The following GNAZ variants were observed in gnomAD, a reference collection of about 807,000 sequenced individuals.
GNAZ encodes the protein G protein subunit alpha z, also known as guanine nucleotide-binding protein G(z) subunit alpha.
A neutral mutation model predicts 25.4 loss-of-function variants in GNAZ; 3 were observed. The observed-to-expected ratio is 0.12, with a 90% CI of 0.05 to 0.30. GNAZ has a LOEUF of 0.30. Ranked by LOEUF, GNAZ falls within the 10% of genes least tolerant of loss-of-function variation. GNAZ has a pLI of 1.00. For missense variants in GNAZ, 241 were observed against 501.8 expected (o/e 0.48, Z 4.97); for synonymous variants, 211 against 205.7 (o/e 1.03, Z -0.22).
intron 2 of GNAZ, among the ~76,000 whole-genome samples, chr22:23,106,203 C>T (rs574156771): frequency 4.6e-5 from 7 of 152,342 alleles, no homozygotes; most frequent in East Asian, 3.9e-4. Flanking sequence ...GGACCTAAGA[C>T]CCTGCAAGTC....
intron 2 of GNAZ, among the ~76,000 whole-genome samples, chr22:23,112,601 G>A (rs1274633097): frequency 6.6e-6 from 1 of 152,186 alleles, no homozygotes; most frequent in Non-Finnish European, 1.5e-5. Flanking sequence ...CTGTGGCAGG[G>A]AGACCCCCTT....
At chr22:23,121,149 T>A (rs747052411) in intron 2 of GNAZ, among the ~76,000 whole-genome samples, 1 of 152,204 alleles carries the variant, frequency 6.6e-6, no homozygotes, top group Non-Finnish European at 1.5e-5. Context: ...TGAGATCTTG[T>A]GTGTTGCTTG....
chr22:23,074,629 G>A (rs1326357165), intron 1 of GNAZ, among the ~76,000 whole-genome samples: 1 of 152,198 alleles, frequency 6.6e-6, no homozygotes, highest in African/African-American at 2.4e-5. Flanking sequence ...GGGTAGGTAG[G>A]ATCAGAAGAG....
rs183800419 is a variant in GNAZ at position 23,086,529 on chromosome 22, G to A, written c.-449-8718G>A. Among the ~76,000 whole-genome samples the A allele has an allele frequency of 2.1e-3, 314 of 152,308 alleles. 1 individual carries two copies. Among genetic ancestry groups the A allele is most frequent in the African/African-American group, 5.6e-3 (231 of 41,562 alleles). On this transcript the variant is annotated intron_variant, in intron 1 of 2. Coordinates refer to ENST00000615612, the MANE Select transcript of GNAZ (RefSeq NM_002073.4). ...CTCCTCCCAGTGGCCTCAGCCACCC[G>A]AGCAGGCACACTATAGTTGAGGAAA...
At chr22:23,116,886 C>G (rs1019896580) in intron 2 of GNAZ, among the ~76,000 whole-genome samples, 1 of 152,182 alleles carries the variant, frequency 6.6e-6, no homozygotes, top group African/African-American at 2.4e-5. Flanking sequence ...TATGCCGCAC[C>G]TGGGAGGGGG....
At chr22:23,119,441 G>C (rs373096214) in intron 2 of GNAZ, among the ~76,000 whole-genome samples, 1 of 152,128 alleles carries the variant, frequency 6.6e-6, no homozygotes, top group Non-Finnish European at 1.5e-5. Flanking sequence ...GCTCTGTCTT[G>C]TCCCCCATCT....
chr22:23,101,180 T>A (rs2069292349), intron 2 of GNAZ, among the ~76,000 whole-genome samples: 1 of 152,168 alleles, frequency 6.6e-6, no homozygotes, highest in South Asian at 2.1e-4. Flanking sequence ...TATCCTTTAG[T>A]GTTCCTAACC....
chr22:23,081,061 G>A (rs3788343), intron 1 of GNAZ, among the ~76,000 whole-genome samples: 52,232 of 152,042 alleles, frequency 0.34, 9,784 homozygotes, highest in African/African-American at 0.5. Context: ...GTGTAAACTG[G>A]TGGGCTGTGA....
intron 1 of GNAZ, among the ~76,000 whole-genome samples, chr22:23,074,772 C>T (rs2068469141): frequency 6.6e-6 from 1 of 152,092 alleles, no homozygotes; most frequent in Non-Finnish European, 1.5e-5. Flanking sequence ...TGGAGAAGAG[C>T]GGGTCCCAGA....
At chr22:23,091,097 C>T (rs1483999784) in intron 1 of GNAZ, among the ~76,000 whole-genome samples, 1 of 152,198 alleles carries the variant, frequency 6.6e-6, no homozygotes, top group Non-Finnish European at 1.5e-5. Flanking sequence ...CACCAGTACA[C>T]ATGCAGCTGC....
At chr22:23,076,675 CA>C (rs1239284656) in intron 1 of GNAZ, among the ~76,000 whole-genome samples, 1 of 152,212 alleles carries the variant, frequency 6.6e-6, no homozygotes, top group African/African-American at 2.4e-5. Flanking sequence ...GGGCCTTTGT[CA>C]GACACGGGGA....
chr22:23,079,264 T>C (rs927327852), intron 1 of GNAZ, among the ~76,000 whole-genome samples: 2 of 152,170 alleles, frequency 1.3e-5, no homozygotes, highest in African/African-American at 2.4e-5. Flanking sequence ...TTTTCCATCG[T>C]AAATAGGATG....
rs1351438977 is a variant in GNAZ at position 23,123,610 on chromosome 22, T to C, written c.*179T>C. 2 of 598,832 alleles carry C rather than the reference T, an allele frequency of 3.3e-6. No individual in the cohort carries two copies. Among genetic ancestry groups the C allele is most frequent in the East Asian group, 5.5e-5 (2 of 36,276 alleles). 37.1% of individuals were successfully genotyped at this position (598,832 alleles called of 1,614,324 possible). ...GCAAACATAAATATTTACGGATAGA[T>C]TGCTAGGTAGATAGACACACACACA... On this transcript the variant is annotated 3_prime_UTR_variant, in exon 3 of 3. Transcript: ENST00000615612.
intron 2 of GNAZ, among the ~76,000 whole-genome samples, chr22:23,119,687 C>T (rs1167808041): frequency 6.6e-6 from 1 of 152,194 alleles, no homozygotes; most frequent in Non-Finnish European, 1.5e-5. Flanking sequence ...GCGTCAGGGA[C>T]GCTGGGATGG....
chr22:23,123,543 TC>T lies in GNAZ; in HGVS notation c.*117del. The stretch of plus-strand genomic sequence containing the variant: ...CAGAAAACAGGGGGCCTAAAGAATG[TC>T]CCCCACCCCTTGGCCTCTGCCTCCT... On this transcript the variant is annotated 3_prime_UTR_variant, in exon 3 of 3. Coordinates refer to ENST00000615612, the MANE Select transcript of GNAZ (RefSeq NM_002073.4). The T allele has an allele frequency of 1.5e-6, 1 of 659,484 alleles. No homozygotes were observed. The highest frequency in any genetic ancestry group is 2.6e-6 in the Non-Finnish European group (1 of 382,568). 40.9% of individuals were successfully genotyped at this position (659,484 alleles called of 1,614,324 possible).
At chr22:23,084,662 G>A (rs934451173) in intron 1 of GNAZ, among the ~76,000 whole-genome samples, 4 of 152,348 alleles carry the variant, frequency 2.6e-5, no homozygotes, top group Non-Finnish European at 4.4e-5. Context: ...GAGCACCTGC[G>A]CTTCGTGGCC....
chr22:23,081,844 G>C (rs1050570019), intron 1 of GNAZ, among the ~76,000 whole-genome samples: 2 of 109,470 alleles, frequency 1.8e-5, no homozygotes, highest in Non-Finnish European at 3.9e-5. Context: ...AAAAAAAAAA[G>C]GCCAGGCGCA....
rs1452677603 is a variant in GNAZ at position 23,095,572 on chromosome 22, C to A, written c.-124C>A. 3.7e-6 allele frequency: 4 copies of A among 1,081,608 alleles called. No individual in the cohort carries two copies. The African/African-American group carries it at 4.8e-5, about 13-fold the overall frequency. 67.0% of individuals were successfully genotyped at this position (1,081,608 alleles called of 1,614,324 possible). On this transcript the variant is annotated 5_prime_UTR_variant, in exon 2 of 3. Transcript: ENST00000615612. ...CTGCAGTGTGGCTCGGCCTCACCCC[C>A]CTGCTGGCACTGAGTGCCTCCAGGG...
intron 1 of GNAZ, among the ~76,000 whole-genome samples, chr22:23,090,157 A>G (rs2068928267): frequency 6.6e-6 from 1 of 152,142 alleles, no homozygotes; most frequent in Non-Finnish European, 1.5e-5. Flanking sequence ...TAAGCACAGC[A>G]GGGTCCTGTA....
Sources: allele counts gnomAD v4.1 joint callset (sites outside exome capture counted in the v4.1 genomes callset), GRCh38; gene constraint gnomAD v4.1.1; transcripts MANE v1.5; gene names NCBI Gene and HGNC (gene_info 2026-07-23, HGNC 2026-07-21).